The following SEPTIN11 variants were observed in gnomAD, a reference collection of about 807,000 sequenced individuals.
The protein encoded by SEPTIN11 is septin 11, also known as septin-11.
Under a neutral mutation model 51.4 loss-of-function variants are expected in SEPTIN11, and 25 were observed. The observed-to-expected ratio is 0.49, with a 90% CI of 0.35 to 0.68. The LOEUF (loss-of-function observed/expected upper bound fraction) is 0.68. Among genes scored for constraint, SEPTIN11 ranks in the 30% least tolerant of loss-of-function variants. SEPTIN11 has a pLI of 0.00. For synonymous variants in SEPTIN11, 174 were observed against 184.1 expected, an observed-to-expected ratio of 0.95 and a Z score of 0.44; for missense variants, 381 against 520.8, an observed-to-expected ratio of 0.73 and a Z score of 2.61.
Position 77,036,759 on chromosome 4 carries a change from T to C in SEPTIN11, c.*2247T>C, listed in dbSNP as rs1727057479. On this transcript the variant is annotated 3_prime_UTR_variant, in exon 10 of 10. Transcript: ENST00000264893. ...CTTTTTTCTTTCTGTATCTATGCCT[T>C]TTTTTCACAGTAGTCCTTGGCTCTG... is the stretch of plus-strand genomic sequence containing the variant. 5 of 1,515,258 alleles carry C rather than the reference T, an allele frequency of 3.3e-6. No individual in the cohort carries two copies. The highest frequency in any genetic ancestry group is 4.1e-5 in the Admixed American group (2 of 49,272). The allele number at this position is 1,515,258 out of a possible 1,614,324, so 93.9% of individuals were successfully genotyped here.
intron 1 of SEPTIN11, among the ~76,000 whole-genome samples, chr4:76,968,134 G>A (rs1301591142): frequency 6.6e-6 from 1 of 152,184 alleles, no homozygotes; most frequent in African/African-American, 2.4e-5. Flanking sequence ...GTTAATGGCT[G>A]TTCCTATAGG....
intron 2 of SEPTIN11, among the ~76,000 whole-genome samples, chr4:77,002,916 C>T (rs1300321173): frequency 2.0e-5 from 3 of 152,154 alleles, no homozygotes; most frequent in South Asian, 2.1e-4. Context: ...TTCATTACTT[C>T]ATCCCTGCAC....
rs375440806 is a variant in SEPTIN11, at chr4:77,004,065, A to T, written c.143-1536A>T. Among the ~76,000 whole-genome samples the T allele has an allele frequency of 9.2e-5, 14 of 152,202 alleles. No homozygotes were observed. The East Asian group carries it at 2.3e-3, about 25-fold the overall frequency. The stretch of plus-strand genomic sequence containing the variant: ...CATATGCTCAGCCACCACCACCACG[A>T]ACATAAGGCTGTTTTTTTCTCATTG... On this transcript the variant is annotated intron_variant, in intron 2 of 9. Coordinates refer to ENST00000264893, the MANE Select transcript of SEPTIN11 (RefSeq NM_018243.4).
Position 76,949,917 on chromosome 4 carries a change from TG to T in SEPTIN11, c.18del (p.Arg7AspfsTer51). On this transcript the variant is annotated frameshift_variant, in exon 1 of 10. Transcript: ENST00000264893. LOFTEE classifies it high-confidence loss of function. MAVA[V>X]GRPSNEELRN... ...GCCGCAGCTGCGATGGCCGTGGCCGTGGGGAGACCGTCTGTGAGTGCTGGGG... is the reference window on the plus strand; with the variant it reads ...GCCGCAGCTGCGATGGCCGTGGCCGTGGGAGACCGTCTGTGAGTGCTGGGG... The T allele has an allele frequency of 6.5e-7, 1 of 1,529,236 alleles. No individual in the cohort carries two copies. The allele number at this position is 1,529,236 out of a possible 1,614,324, so 94.7% of individuals were successfully genotyped here.
intron 1 of SEPTIN11, chr4:76,995,833 A>G: frequency 6.5e-7 from 1 of 1,535,384 alleles, no homozygotes; most frequent in Non-Finnish European, 8.7e-7. Flanking sequence ...CTGTGCTAGG[A>G]GCTACAGGGT....
In SEPTIN11 at chr4:76,949,887, C is replaced by A. The variant is rs373303130; in HGVS notation, c.-17C>A. ...GTAAAGCACCCGGGCGCAGCCGGAG[C>A]CGGTGCCGCAGCTGCGATGGCCGTG... On this transcript the variant is annotated 5_prime_UTR_variant, in exon 1 of 10. Coordinates refer to ENST00000264893, the MANE Select transcript of SEPTIN11 (RefSeq NM_018243.4). 1 of 1,526,206 alleles carries A rather than the reference C, an allele frequency of 6.6e-7. No individual in the cohort carries two copies. Among genetic ancestry groups the A allele is most frequent in the Admixed American group, 2.0e-5 (1 of 50,600 alleles). The allele number at this position is 1,526,206 out of a possible 1,614,324, so 94.5% of individuals were successfully genotyped here.
intron 1 of SEPTIN11, 117 bp downstream of exon 1, chr4:76,950,047 A>G (rs1578107518): frequency 2.0e-4 from 149 of 757,016 alleles, no homozygotes; most frequent in Non-Finnish European, 2.7e-4. Flanking sequence ...GGCGGCGGCG[A>G]CGGCTGTGGG....
chr4:77,019,380 A>C, intron 6 of SEPTIN11, 119 bp downstream of exon 6: 2 of 703,468 alleles, frequency 2.8e-6, no homozygotes, highest in Non-Finnish European at 4.6e-6. Flanking sequence ...AGTGGGAGGG[A>C]GTGGTGGGGC....
Position 77,037,017 on chromosome 4 carries a change from C to A in SEPTIN11, c.*2505C>A. 1 of 1,241,818 alleles carries A rather than the reference C, an allele frequency of 8.1e-7. No homozygotes were observed. The allele number at this position is 1,241,818 out of a possible 1,614,324, so 76.9% of individuals were successfully genotyped here. ...AAAGGCCACATTTATATTTTTTTCACAAGAACCACATAATAAATTCCACTT... is the reference window on the plus strand; with the variant it reads ...AAAGGCCACATTTATATTTTTTTCAAAAGAACCACATAATAAATTCCACTT... On this transcript the variant is annotated 3_prime_UTR_variant, in exon 10 of 10. Coordinates refer to ENST00000264893, the MANE Select transcript of SEPTIN11 (RefSeq NM_018243.4).
chr4:77,003,787 T>C (rs1403349835), intron 2 of SEPTIN11, among the ~76,000 whole-genome samples: 1 of 152,162 alleles, frequency 6.6e-6, no homozygotes, highest in Non-Finnish European at 1.5e-5. Context: ...ATTTTGTCAT[T>C]ATAGTGGGAG....
intron 2 of SEPTIN11, among the ~76,000 whole-genome samples, chr4:77,001,003 A>G (rs555052767): frequency 6.6e-6 from 1 of 152,320 alleles, no homozygotes; most frequent in East Asian, 1.9e-4. Context: ...ATCACAGATC[A>G]ACAATTTGTT....
At chr4:77,039,487 G>A (rs181722354), downstream of SEPTIN11, 730 of 985,330 alleles carry the variant, frequency 7.4e-4, 1 homozygote, top group Admixed American at 1.9e-3. Flanking sequence ...ACCACACCCA[G>A]GGCCCACAAA....
At chr4:76,970,306 G>T (rs1019283214) in intron 1 of SEPTIN11, among the ~76,000 whole-genome samples, 1 of 152,118 alleles carries the variant, frequency 6.6e-6, no homozygotes, top group Non-Finnish European at 1.5e-5. Flanking sequence ...TAGTTTTCAC[G>T]CCTTATTAAT....
chr4:76,966,381 G>A (rs1722035193), intron 1 of SEPTIN11, among the ~76,000 whole-genome samples: 1 of 151,912 alleles, frequency 6.6e-6, no homozygotes, highest in Non-Finnish European at 1.5e-5. Context: ...ACAGGAAACT[G>A]TTAAGGCTTG....
chr4:77,039,759 T>TGA (rs1255040177), downstream of SEPTIN11: 12 of 983,702 alleles, frequency 1.2e-5, no homozygotes, highest in African/African-American at 1.7e-5. Flanking sequence ...ATCTGCCTCT[T>TGA]GAGAGAGAGA....
intron 2 of SEPTIN11, among the ~76,000 whole-genome samples, chr4:76,998,685 A>G (rs1458078250): frequency 2.0e-5 from 3 of 152,178 alleles, no homozygotes; most frequent in Admixed American, 2.0e-4. Context: ...CAGGGGTTCA[A>G]CGAGCCCCAT....
chr4:76,950,076 CG>C, intron 1 of SEPTIN11, 146 bp downstream of exon 1: 1 of 844,836 alleles, frequency 1.2e-6, no homozygotes, highest in Non-Finnish European at 1.7e-6. Flanking sequence ...CGAATTTGGG[CG>C]CGCGTCTGGG....
intron 5 of SEPTIN11, among the ~76,000 whole-genome samples, chr4:77,017,976 C>T (rs1295026077): frequency 3.9e-5 from 6 of 152,144 alleles, no homozygotes; most frequent in Non-Finnish European, 1.5e-5. Context: ...CAATAGTCAA[C>T]TGTCTAAAGC....
chr4:77,032,429 A>C (rs948996720), intron 9 of SEPTIN11, among the ~76,000 whole-genome samples: 1 of 152,236 alleles, frequency 6.6e-6, no homozygotes, highest in Non-Finnish European at 1.5e-5. Flanking sequence ...GAGAGCATCT[A>C]ACACTAATGG....
Sources: gnomAD v4.1 joint callset for allele counts (sites outside exome capture counted in the v4.1 genomes callset) on GRCh38, gnomAD v4.1.1 for gene constraint, MANE v1.5 for transcripts, NCBI Gene and HGNC (gene_info 2026-07-23, HGNC 2026-07-21) for gene names.